KLF8: variants seen among roughly 807,000 people sequenced by gnomAD.
KLF8 encodes Krueppel-like factor 8.
A neutral mutation model predicts 18.2 loss-of-function variants in KLF8; 10 were observed. The ratio of observed to expected loss-of-function variants is 0.55; its 90% CI spans 0.34 to 0.93. The LOEUF is 0.93. Among genes scored for constraint, KLF8 ranks in the 40% least tolerant of loss-of-function variants. The pLI is 0.02. For missense variants in KLF8, 264 were observed against 277.9 expected (o/e 0.95, Z 0.36); for synonymous variants, 109 against 97.3 (o/e 1.12, Z -0.71).
chrX:55,916,157 T>C, the KLF8 span, among the ~76,000 whole-genome samples: 1 of 112,013 alleles, frequency 8.9e-6, no homozygotes, highest in African/African-American at 3.2e-5. Context: ...GCTAGGGTCA[T>C]GTAATATAAG....
the KLF8 span, among the ~76,000 whole-genome samples, chrX:56,026,495 C>T: frequency 4.5e-5 from 5 of 111,537 alleles, no homozygotes; most frequent in Admixed American, 9.5e-5. Flanking sequence ...AGGGGGTGCA[C>T]CTAATTTTAA....
chrX:55,942,378 G>GT, the KLF8 span, among the ~76,000 whole-genome samples: 1 of 109,621 alleles, frequency 9.1e-6, no homozygotes, highest in African/African-American at 3.3e-5. Flanking sequence ...GGGGTGGGGG[G>GT]TGGTGGGGTG....
At chrX:55,940,715 G>C in the KLF8 span, among the ~76,000 whole-genome samples, 4 of 111,637 alleles carry the variant, frequency 3.6e-5, no homozygotes, top group African/African-American at 1.3e-4. Flanking sequence ...AAAATCACAA[G>C]CATTCTTATA....
the KLF8 span, among the ~76,000 whole-genome samples, chrX:56,045,457 G>A: frequency 9.0e-6 from 1 of 111,514 alleles, no homozygotes; most frequent in East Asian, 2.8e-4. Flanking sequence ...ATTTTTACGG[G>A]AATTGCATTG....
chrX:56,078,338 G>A, the KLF8 span, among the ~76,000 whole-genome samples: 1 of 112,185 alleles, frequency 8.9e-6, no homozygotes, highest in Non-Finnish European at 1.9e-5. Flanking sequence ...TTTATTGAGA[G>A]TTTTTAGCAT....
At chrX:55,946,151 G>A in the KLF8 span, among the ~76,000 whole-genome samples, 13 of 111,193 alleles carry the variant, frequency 1.2e-4, no homozygotes, top group Admixed American at 7.7e-4. Context: ...AATTCATATG[G>A]AACCAAAAAA....
At chrX:56,159,700 G>T in the KLF8 span, among the ~76,000 whole-genome samples, 1 of 109,725 alleles carries the variant, frequency 9.1e-6, no homozygotes, top group Non-Finnish European at 1.9e-5. Context: ...ACTCTCTGAT[G>T]GTAGTTTGTA....
the KLF8 span, among the ~76,000 whole-genome samples, chrX:55,919,034 C>T: frequency 9.0e-6 from 1 of 111,479 alleles, no homozygotes; most frequent in Non-Finnish European, 1.9e-5. Context: ...CTAACCCATT[C>T]CGGCATCAAT....
the KLF8 span, among the ~76,000 whole-genome samples, chrX:55,909,189 G>A: frequency 8.9e-6 from 1 of 112,126 alleles, no homozygotes; most frequent in East Asian, 2.8e-4. Flanking sequence ...CTATTTAACT[G>A]GAAATTCAAT....
At chrX:56,208,223 C>T in the KLF8 span, among the ~76,000 whole-genome samples, 1 of 111,710 alleles carries the variant, frequency 9.0e-6, no homozygotes, top group South Asian at 3.8e-4. Flanking sequence ...TTGTATGTGT[C>T]TAGGAATTTG....
At chrX:56,206,438 G>T in the KLF8 span, among the ~76,000 whole-genome samples, 30 of 112,066 alleles carry the variant, frequency 2.7e-4, no homozygotes, top group African/African-American at 8.8e-4. Context: ...ACGGGCATTG[G>T]ATAAATAAAC....
chrX:55,933,186 A>G, the KLF8 span, among the ~76,000 whole-genome samples: 2 of 111,376 alleles, frequency 1.8e-5, no homozygotes, highest in African/African-American at 3.3e-5. Context: ...TAATGTACCT[A>G]TGACTCATTT....
the KLF8 span, among the ~76,000 whole-genome samples, chrX:56,105,494 T>C: frequency 9.0e-6 from 1 of 110,979 alleles, no homozygotes. Flanking sequence ...CTTTGTTGGA[T>C]GAAACTGTGG....
chrX:56,044,592 C>A, the KLF8 span, among the ~76,000 whole-genome samples: 1 of 112,938 alleles, frequency 8.9e-6, no homozygotes. Context: ...CACAATCTGG[C>A]AAGGCAGCTG....
At chrX:56,077,889 A>T in the KLF8 span, among the ~76,000 whole-genome samples, 2 of 109,178 alleles carry the variant, frequency 1.8e-5, no homozygotes, top group African/African-American at 7.0e-5. Context: ...TAGGTATTTT[A>T]TTCTCTTTGA....
chrX:56,160,258 T>C, the KLF8 span, among the ~76,000 whole-genome samples: 2 of 111,931 alleles, frequency 1.8e-5, no homozygotes, highest in East Asian at 5.6e-4. Context: ...GAGAGACAGT[T>C]TGTTATAATT....
At chrX:56,186,849 C>G in the KLF8 span, among the ~76,000 whole-genome samples, 2 of 111,831 alleles carry the variant, frequency 1.8e-5, no homozygotes, top group African/African-American at 6.5e-5. Flanking sequence ...ACACAACATA[C>G]CAGAATCTCT....
At chrX:56,090,466 G>A in the KLF8 span, among the ~76,000 whole-genome samples, 1 of 111,862 alleles carries the variant, frequency 8.9e-6, no homozygotes, top group Non-Finnish European at 1.9e-5. Context: ...AAATGTGTTG[G>A]AATTATTAAA....
chrX:56,159,984 G>A, the KLF8 span, among the ~76,000 whole-genome samples: 2 of 111,586 alleles, frequency 1.8e-5, no homozygotes, highest in African/African-American at 3.3e-5. Context: ...TGATATTAGG[G>A]TGTCAGTTTC....
Sources: allele counts gnomAD v4.1 joint callset (sites outside exome capture counted in the v4.1 genomes callset), GRCh38; gene constraint gnomAD v4.1.1; transcripts MANE v1.5; gene names NCBI Gene and HGNC (gene_info 2026-07-23, HGNC 2026-07-21).